The following RASGRF1 variants were observed in gnomAD, a reference collection of about 807,000 sequenced individuals.
The protein encoded by RASGRF1 is ras-specific guanine nucleotide-releasing factor 1.
RASGRF1 carries 40 observed loss-of-function variants against 138.7 expected under a neutral mutation model. The observed-to-expected ratio is 0.29, with a 90% confidence interval of 0.22 to 0.38. The LOEUF is 0.38. RASGRF1 is among the 10% of genes least tolerant of loss of function. The pLI is 1.00. For synonymous variants in RASGRF1, 614 were observed against 663.2 expected (o/e 0.93, Z 1.14); for missense variants, 1,108 against 1,650.4 (o/e 0.67, Z 5.69).
At chr15:79,030,015 G>T (rs992513457) in intron 8 of RASGRF1, among the ~76,000 whole-genome samples, 3 of 151,918 alleles carry the variant, frequency 2.0e-5, no homozygotes, top group African/African-American at 7.3e-5. Flanking sequence ...TGGATCCCTG[G>T]GCATGGGAGG....
At chr15:79,018,001 G>A (rs1489731495) in intron 11 of RASGRF1, 95 bp from the exon 12 acceptor site, 10 of 1,471,458 alleles carry the variant, frequency 6.8e-6, no homozygotes, top group Admixed American at 2.3e-5. Context: ...TACCAGTGGA[G>A]GCTCTGCGTT....
At chr15:78,982,054 T>G (rs1289014799) in intron 23 of RASGRF1, among the ~76,000 whole-genome samples, 1 of 152,152 alleles carries the variant, frequency 6.6e-6, no homozygotes, top group Non-Finnish European at 1.5e-5. Flanking sequence ...CTCCCCAGCC[T>G]CTGTCACCTA....
intron 1 of RASGRF1, among the ~76,000 whole-genome samples, chr15:79,076,369 T>C (rs2057833698): frequency 6.6e-6 from 1 of 152,124 alleles, no homozygotes; most frequent in African/African-American, 2.4e-5. Flanking sequence ...CACCCAGAGT[T>C]TGGAACCCCT....
Position 79,090,529 on chromosome 15 carries a change from C to T in RASGRF1, c.-31G>A. On this transcript the variant is annotated 5_prime_UTR_variant, in exon 1 of 27. Coordinates refer to ENST00000558480, the MANE Select transcript of RASGRF1 (RefSeq NM_001145648.3). Reference sequence around the variant, plus strand: ...TCAGAGGCCAGCGAGACCCCACGCGCTTACATCTTCTCCGCGCAGCAGCCC... The same window carrying T: ...TCAGAGGCCAGCGAGACCCCACGCGTTTACATCTTCTCCGCGCAGCAGCCC... 6.3e-7 allele frequency: 1 copy of T among 1,599,448 alleles called. No individual in the cohort carries two copies. The highest frequency in any genetic ancestry group is 8.5e-7 in the Non-Finnish European group (1 of 1,174,100).
chr15:79,074,415 AC>A (rs1165916847), intron 1 of RASGRF1, among the ~76,000 whole-genome samples: 1 of 152,220 alleles, frequency 6.6e-6, no homozygotes, highest in East Asian at 1.9e-4. Flanking sequence ...GTCCAGAGAT[AC>A]ATCCGAACCT....
At position 78,995,762 on chromosome 15, in the gene RASGRF1, G is replaced by T. The variant is rs199713827; in HGVS notation, c.3005C>A (p.Thr1002Lys). 6.2e-7 allele frequency: 1 copy of T among 1,614,164 alleles called. No homozygotes were observed. The highest frequency in any genetic ancestry group is 1.1e-5 in the South Asian group (1 of 91,084). Residue 1002 changes from threonine to lysine, a missense_variant, in exon 20 of 27, where the codon ACG becomes AAG. Coordinates refer to ENST00000558480, the MANE Select transcript of RASGRF1 (RefSeq NM_001145648.3). ...TQEDPGDNQI[T>K]LEEITQMAEG... ...CACCATCTGCGTGATCTCCTCCAGC[G>T]TGATCTGGTTGTCACCTGGGTCCTC...
chr15:79,089,132 T>C (rs1418545525), intron 1 of RASGRF1, among the ~76,000 whole-genome samples: 2 of 152,176 alleles, frequency 1.3e-5, no homozygotes, highest in African/African-American at 2.4e-5. Flanking sequence ...TTTCAGAACA[T>C]TGGGACGGCC....
intron 2 of RASGRF1, among the ~76,000 whole-genome samples, chr15:79,063,594 G>C (rs1437338796): frequency 6.6e-6 from 1 of 152,178 alleles, no homozygotes; most frequent in Non-Finnish European, 1.5e-5. Flanking sequence ...TGGGCACTCT[G>C]TCTATGCCTT....
At chr15:79,074,257 A>G (rs1595968358) in intron 1 of RASGRF1, among the ~76,000 whole-genome samples, 1 of 152,190 alleles carries the variant, frequency 6.6e-6, no homozygotes, top group Admixed American at 6.5e-5. Flanking sequence ...CTCATGCTTC[A>G]AGGGGAACTG....
chr15:79,012,606 C>A, intron 13 of RASGRF1: 1 of 1,558,192 alleles, frequency 6.4e-7, no homozygotes, highest in Non-Finnish European at 8.7e-7. Context: ...ATTCCATTCA[C>A]TTTATCACCA....
Position 79,025,323 on chromosome 15 carries a change from G to A in RASGRF1, c.1533C>T (p.His511=). ...ICTRGSGGKL[H]LTKNGVISLI... ...CTCCCGTAGCCCTTACCTTGGTCAA[G>A]TGAAGCTTCCCTCCAGAGCCTCTGG... Residue 511 remains histidine (H), a synonymous_variant, in exon 10 of 27, where the codon CAC becomes CAT. Transcript: ENST00000558480. The A allele has an allele frequency of 6.2e-7, 1 of 1,609,248 alleles. No homozygotes were observed. The highest frequency in any genetic ancestry group is 1.1e-5 in the South Asian group (1 of 90,654).
rs143238097 is a variant in RASGRF1, at chr15:78,985,067, C to T, written c.3354G>A (p.Ser1118=). The T allele has an allele frequency of 5.0e-4, 800 of 1,614,056 alleles. 2 individuals carry two copies. The African/African-American group carries it at 5.3e-3, about 11-fold the overall frequency. The change falls in exon 23 of 27, where the codon TCG becomes TCA. Residue 1118 remains serine, a synonymous_variant. Transcript: ENST00000558480. ...GGAAGATTGCACTGCGGTTCATGGA[C>T]GAGGTGATCTCCAGTACGGCATTGT... ...HNYNAVLEIT[S]SMNRSAIFRL... is the part of the protein sequence containing the mutation.
In RASGRF1 at chr15:79,058,453, C is replaced by T. The variant is rs1436796058; in HGVS notation, c.412G>A (p.Ala138Thr). 3 of 1,614,080 alleles carry T rather than the reference C, an allele frequency of 1.9e-6. No homozygotes were observed. The highest frequency in any genetic ancestry group is 1.3e-5 in the African/African-American group (1 of 74,942). ...SYRTLATEHE[A>T]LMQKYLHLLQ... ...AGGTGCAGGTATTTCTGCATTAATGCCTCATGCTCTGTGGCGAGGGTCCTG... is the reference window on the plus strand; with the variant it reads ...AGGTGCAGGTATTTCTGCATTAATGTCTCATGCTCTGTGGCGAGGGTCCTG... Residue 138 changes from alanine (A) to threonine (T), a missense_variant, in exon 3 of 27, where the codon GCA becomes ACA. By Grantham distance (58) the Ala-to-Thr change is moderately conservative (BLOSUM62 0). Around this residue, in one of 3 missense-constraint regions of RASGRF1, gnomAD observed 253 missense variants for 329.5 expected, o/e 0.77. Transcript: ENST00000558480.
intron 5 of RASGRF1, among the ~76,000 whole-genome samples, chr15:79,035,806 T>G (rs917675553): frequency 6.6e-6 from 1 of 152,138 alleles, no homozygotes; most frequent in Non-Finnish European, 1.5e-5. Flanking sequence ...ATGGGACAAT[T>G]CGAGTGCCCA....
chr15:79,001,180 A>G (rs2056514781), intron 16 of RASGRF1, among the ~76,000 whole-genome samples: 1 of 152,164 alleles, frequency 6.6e-6, no homozygotes. Context: ...GCCTTTTTGC[A>G]AAGCTGTCAA....
In RASGRF1 at chr15:79,006,270, G is replaced by C; in HGVS notation, c.1991C>G (p.Ser664Cys). The change falls in exon 14 of 27, where the codon TCC becomes TGC. Residue 664 changes from serine (S) to cysteine (C), a missense_variant. Coordinates refer to ENST00000558480, the MANE Select transcript of RASGRF1 (RefSeq NM_001145648.3). This position sits in a 1 kb window ranked among gnomAD's most constrained non-coding sequence, Gnocchi z 4.0. Reference sequence around the variant, plus strand: ...GATGGCGGTGGTGAAGACGCGGTAGGAGTGCAGGAAGGTGTTGAGGAAGTC... The same window carrying C: ...GATGGCGGTGGTGAAGACGCGGTAGCAGTGCAGGAAGGTGTTGAGGAAGTC... The part of the protein sequence containing the change: ...SIDFLNTFLH[S>C]YRVFTTAIVV... 4 of 1,614,198 alleles carry C rather than the reference G, an allele frequency of 2.5e-6. No individual in the cohort carries two copies. The highest frequency in any genetic ancestry group is 3.4e-6 in the Non-Finnish European group (4 of 1,180,046).
intron 7 of RASGRF1, among the ~76,000 whole-genome samples, 176 bp from the exon 8 acceptor site, chr15:79,031,685 G>A (rs1418088301): frequency 6.8e-6 from 1 of 147,876 alleles, no homozygotes; most frequent in East Asian, 2.0e-4. Context: ...CGAGGGCGGG[G>A]GAAAGGGGGA....
At chr15:79,002,066 G>C (rs1240971608) in intron 15 of RASGRF1, among the ~76,000 whole-genome samples, 1 of 152,336 alleles carries the variant, frequency 6.6e-6, no homozygotes, top group African/African-American at 2.4e-5. Flanking sequence ...TGCAAATTCT[G>C]ATTCAGGGGT....
chr15:79,037,648 G>A (rs184046617), intron 5 of RASGRF1, among the ~76,000 whole-genome samples: 1 of 151,916 alleles, frequency 6.6e-6, no homozygotes, highest in East Asian at 1.9e-4. Context: ...TAGTAGAGAT[G>A]GGGTTTCACC....
Sources: gnomAD v4.1 joint callset for allele counts (sites outside exome capture counted in the v4.1 genomes callset) on GRCh38, gnomAD v4.1.1 for gene constraint, gnomAD v4.1.1 regional missense constraint, Gnocchi (gnomAD v3.1) non-coding constraint, MANE v1.5 for transcripts, NCBI Gene and HGNC (gene_info 2026-07-23, HGNC 2026-07-21) for gene names.